Variants in CLDN14 observed in about 807,000 individuals in gnomAD.
The protein encoded by CLDN14 is claudin-14.
Under a neutral mutation model 2.1 loss-of-function variants are expected in CLDN14, and 2 were observed. The ratio of observed to expected loss-of-function variants is 0.96; its 90% CI spans 0.39 to 3.01. The LOEUF (loss-of-function observed/expected upper bound fraction) is 3.01, where lower values mean the gene tolerates loss of function less well. Among genes scored for constraint, CLDN14 ranks in the 30% most tolerant of loss-of-function variants. The pLI, the probability that CLDN14 is intolerant of heterozygous loss-of-function variation, is 0.09. For synonymous variants in CLDN14, 136 were observed against 154.4 expected, an observed-to-expected ratio of 0.88 and a Z score of 0.88; for missense variants, 298 against 328.0, an observed-to-expected ratio of 0.91 and a Z score of 0.71.
Position 36,460,818 on chromosome 21 carries a change from G to T in CLDN14, c.*158C>A. On this transcript the variant is annotated 3_prime_UTR_variant, in exon 2 of 2. Transcript: ENST00000399135. This position sits in a 1 kb window ranked among gnomAD's most constrained non-coding sequence, Gnocchi z 4.0. ...TTCTCCTCCTCTTATTTCCCCCTCT[G>T]TCCCTGTGCTCTAAAGACATTTCCT... is the stretch of plus-strand genomic sequence containing the variant. 1.2e-6 allele frequency: 1 copy of T among 827,738 alleles called. No individual in the cohort carries two copies. The highest frequency in any genetic ancestry group is 1.9e-6 in the Non-Finnish European group (1 of 525,074). The allele number at this position is 827,738 out of a possible 1,614,324, so 51.3% of individuals were successfully genotyped here. A position where few individuals can be genotyped will look rare whatever the true frequency, so the allele number is the denominator to read the frequency against.
intron 2 of CLDN14, among the ~76,000 whole-genome samples, chr21:36,489,131 A>AAAAAATATATATATATATAT: frequency 1.6e-5 from 1 of 62,750 alleles, no homozygotes; most frequent in African/African-American, 5.9e-5. Context: ...AAAAAAAAAA[A>AAAAAATATATATATATATAT]ATATATATAT....
Position 36,501,989 on chromosome 21 carries a change from C to T in CLDN14, c.-82+8374G>A, listed in dbSNP as rs145282279. On this transcript the variant is annotated intron_variant, in intron 2 of 2. Transcript: ENST00000342108. ...CGTTAAGCTATTGTTTAAACATAGA[C>T]CCAGTGCCCAAACCCTGCACACTAG... is the stretch of plus-strand genomic sequence containing the variant. Among the ~76,000 whole-genome samples, 1,381 of 151,724 alleles carry T rather than the reference C, an allele frequency of 9.1e-3. 5 individuals carry two copies. Among genetic ancestry groups the T allele is most frequent in the Non-Finnish European group, 0.014 (944 of 67,966 alleles).
At chr21:36,539,089 G>T (rs2087457125) in intron 1 of CLDN14, among the ~76,000 whole-genome samples, 1 of 152,242 alleles carries the variant, frequency 6.6e-6, no homozygotes, top group Non-Finnish European at 1.5e-5. Context: ...AGTCTCTGTT[G>T]TAACCCCCGC....
chr21:36,477,993 T>C (rs1418205672), intron 1 of CLDN14, among the ~76,000 whole-genome samples: 1 of 152,260 alleles, frequency 6.6e-6, no homozygotes, highest in Non-Finnish European at 1.5e-5. Flanking sequence ...ACATTGGCAC[T>C]AGCCTTGAAA....
intron 1 of CLDN14, among the ~76,000 whole-genome samples, 185 bp from the exon 2 acceptor site, chr21:36,461,961 G>A (rs1209670870): frequency 2.6e-5 from 4 of 152,276 alleles, no homozygotes; most frequent in Non-Finnish European, 4.4e-5. Context: ...CTGGGAAGGT[G>A]GGATCTGAAG....
rs759652223 is a variant in CLDN14, at chr21:36,461,753, G to A, written c.-58C>T. 226 of 1,535,744 alleles carry A rather than the reference G, an allele frequency of 1.5e-4. 1 individual carries two copies. Among genetic ancestry groups the A allele is most frequent in the Middle Eastern group, 2.2e-4 (1 of 4,468 alleles). ...CTCCCTGGGCCCTCGGGGTCACGCC[G>A]CTCCTCAGGTGCCAGCCGGAGCCCT... On this transcript the variant is annotated 5_prime_UTR_variant, in exon 2 of 2. Transcript: ENST00000399135.
intron 1 of CLDN14, among the ~76,000 whole-genome samples, chr21:36,533,231 G>T (rs1339679508): frequency 1.3e-5 from 2 of 152,178 alleles, no homozygotes; most frequent in Non-Finnish European, 2.9e-5. Flanking sequence ...GGAATGCCAG[G>T]GTCCAGCCAG....
At chr21:36,564,037 C>T (rs2146525588) in intron 1 of CLDN14, among the ~76,000 whole-genome samples, 1 of 152,320 alleles carries the variant, frequency 6.6e-6, no homozygotes, top group Admixed American at 6.5e-5. Context: ...GCCCTACTCC[C>T]CAGTCCTGGG....
Position 36,461,190 on chromosome 21 carries a change from A to G in CLDN14, c.506T>C (p.Ile169Thr). Residue 169 changes from isoleucine to threonine, a missense_variant, in exon 2 of 2, where the codon ATC becomes ACC. Transcript: ENST00000399135. ...EIGQALYLGF[I>T]SSSLSLIGGT... ...ACCAATGAGCGAGAGGGACGAGGAG[A>G]TGAAGCCCAGGTACAGGGCCTGGCC... 1 of 1,613,940 alleles carries G rather than the reference A, an allele frequency of 6.2e-7. No individual in the cohort carries two copies. The highest frequency in any genetic ancestry group is 1.7e-5 in the Admixed American group (1 of 60,030).
intron 1 of CLDN14, among the ~76,000 whole-genome samples, chr21:36,518,802 A>G (rs2087247889): frequency 6.6e-6 from 1 of 152,228 alleles, no homozygotes; most frequent in Non-Finnish European, 1.5e-5. Flanking sequence ...ACTATCAGGC[A>G]CACAATTAAT....
chr21:36,525,895 G>A (rs902677205), intron 1 of CLDN14, among the ~76,000 whole-genome samples: 2 of 152,134 alleles, frequency 1.3e-5, no homozygotes, highest in African/African-American at 2.4e-5. Context: ...GAGGCTGAGC[G>A]GGAGGATTGC....
At chr21:36,503,673 G>A (rs1285153186) in intron 2 of CLDN14, among the ~76,000 whole-genome samples, 1 of 152,046 alleles carries the variant, frequency 6.6e-6, no homozygotes, top group Non-Finnish European at 1.5e-5. Context: ...TTTATCAGCA[G>A]CATGAAAATG....
intron 1 of CLDN14, among the ~76,000 whole-genome samples, chr21:36,564,727 G>T (rs144878686): frequency 6.6e-6 from 1 of 152,212 alleles, no homozygotes; most frequent in Non-Finnish European, 1.5e-5. Context: ...GGGAATTAAG[G>T]TTGCTAACCA....
At chr21:36,548,451 C>G (rs910887161) in intron 1 of CLDN14, among the ~76,000 whole-genome samples, 2 of 152,206 alleles carry the variant, frequency 1.3e-5, no homozygotes, top group African/African-American at 4.8e-5. Context: ...CAGCCCCGCC[C>G]CAGAGGCAGG....
intron 1 of CLDN14, among the ~76,000 whole-genome samples, chr21:36,478,642 CGAT>C (rs2086806132): frequency 6.6e-6 from 1 of 152,160 alleles, no homozygotes; most frequent in Non-Finnish European, 1.5e-5. Flanking sequence ...TGGAAGCACA[CGAT>C]GATGAACTGT....
chr21:36,493,882 T>C (rs1307178154), intron 2 of CLDN14, among the ~76,000 whole-genome samples: 1 of 152,136 alleles, frequency 6.6e-6, no homozygotes, highest in Non-Finnish European at 1.5e-5. Context: ...CCCAGGATCC[T>C]CATGTGTTCC....
In CLDN14 at chr21:36,544,119, C is replaced by A. The variant is rs1211664329; in HGVS notation, c.-220+32292G>T. 6.6e-6 allele frequency among the ~76,000 whole-genome samples: 1 copy of A among 152,250 alleles called. No homozygotes were observed. On this transcript the variant is annotated intron_variant, in intron 1 of 2. Transcript: ENST00000342108. This position sits in a 1 kb window ranked among gnomAD's most constrained non-coding sequence, Gnocchi z 4.1. ...TGGGTGACACCCAGGAACCCAGAAG[C>A]CACACCAGCCCTTGGCTCCCTCCAA...
chr21:36,493,262 G>T (rs1199086774), intron 2 of CLDN14, among the ~76,000 whole-genome samples: 3 of 152,172 alleles, frequency 2.0e-5, no homozygotes, highest in African/African-American at 4.8e-5. Flanking sequence ...ACAGTTGGGG[G>T]TGTCACCACA....
intron 1 of CLDN14, among the ~76,000 whole-genome samples, chr21:36,574,294 A>G (rs929518242): frequency 3.9e-5 from 6 of 152,206 alleles, no homozygotes; most frequent in African/African-American, 1.4e-4. Context: ...AAAGTAATTC[A>G]ATGGAGAAAG....
Sources: gnomAD v4.1 joint callset for allele counts (sites outside exome capture counted in the v4.1 genomes callset) on GRCh38, gnomAD v4.1.1 for gene constraint, Gnocchi (gnomAD v3.1) non-coding constraint, MANE v1.5 for transcripts, NCBI Gene and HGNC (gene_info 2026-07-23, HGNC 2026-07-21) for gene names.